Variants in LMBRD1 observed in about 807,000 individuals in gnomAD.
LMBRD1 encodes LMBR1 domain containing 1, also known as lysosomal cobalamin transport escort protein LMBD1.
LMBRD1 carries 64 observed loss-of-function variants against 74.8 expected under a neutral mutation model. That is an observed-to-expected ratio of 0.86 (90% CI 0.70 to 1.05). The LOEUF is 1.05. LMBRD1 is among the 50% of genes least tolerant of loss of function. The pLI is 0.00. For missense variants in LMBRD1, 652 were observed against 645.9 expected, an observed-to-expected ratio of 1.01 and a Z score of -0.10; for synonymous variants, 204 against 216.3, an observed-to-expected ratio of 0.94 and a Z score of 0.50.
intron 7 of LMBRD1, among the ~76,000 whole-genome samples, chr6:69,730,121 A>G (rs1005481731): frequency 2.6e-5 from 4 of 152,096 alleles, no homozygotes; most frequent in Non-Finnish European, 5.9e-5. Flanking sequence ...TTGTCTCCAA[A>G]TTTATTTTGA....
intron 14 of LMBRD1, among the ~76,000 whole-genome samples, chr6:69,679,332 C>T (rs750810255): frequency 1.5e-4 from 23 of 152,228 alleles, no homozygotes; most frequent in Non-Finnish European, 2.9e-4. Context: ...GGAGTTCAGA[C>T]TCACAGCAGA....
intron 2 of LMBRD1, among the ~76,000 whole-genome samples, chr6:69,786,975 T>C (rs532414044): frequency 6.6e-6 from 1 of 152,302 alleles, no homozygotes; most frequent in East Asian, 1.9e-4. Context: ...CATTTAGGAA[T>C]TTCAAATGCA....
At chr6:69,705,292 G>C (rs1766227785) in intron 9 of LMBRD1, 2 of 741,022 alleles carry the variant, frequency 2.7e-6, no homozygotes, top group African/African-American at 3.4e-5. Context: ...TTTTCTTAAA[G>C]AGACTTCCTC....
chr6:69,774,992 AGGGAGGGAGGGAGGG>A (rs1473247686), intron 3 of LMBRD1, among the ~76,000 whole-genome samples: 507 of 31,196 alleles, frequency 0.016, 40 homozygotes, highest in African/African-American at 0.043. Flanking sequence ...GAAGGAAGGG[AGGGAGGGAGGGAGGG>A]AGGGAGGGAG....
intron 14 of LMBRD1, among the ~76,000 whole-genome samples, chr6:69,692,524 C>T (rs1006869315): frequency 3.3e-5 from 5 of 152,136 alleles, no homozygotes; most frequent in Admixed American, 2.6e-4. Context: ...TGCTTCACCC[C>T]TAACTGTAGT....
intron 7 of LMBRD1, among the ~76,000 whole-genome samples, chr6:69,729,427 A>G (rs1024661068): frequency 3.3e-5 from 5 of 151,944 alleles, no homozygotes; most frequent in African/African-American, 1.2e-4. Flanking sequence ...GGCCAGACTA[A>G]TAACAACTAC....
intron 9 of LMBRD1, among the ~76,000 whole-genome samples, chr6:69,703,263 G>C (rs1233075660): frequency 6.6e-6 from 1 of 151,796 alleles, no homozygotes; most frequent in Non-Finnish European, 1.5e-5. Flanking sequence ...TCTATATTTG[G>C]TACTGTGGTG....
At chr6:69,741,984 T>C in intron 5 of LMBRD1, 107 bp from the exon 6 acceptor site, 1 of 711,440 alleles carries the variant, frequency 1.4e-6, no homozygotes, top group Non-Finnish European at 2.4e-6. Context: ...AAATAAAATC[T>C]GTACTATGCA....
chr6:69,705,799 T>C, intron 9 of LMBRD1: 3 of 1,183,662 alleles, frequency 2.5e-6, no homozygotes, highest in Non-Finnish European at 3.7e-6. Context: ...GACTGCATCT[T>C]CCTCCACTGC....
chr6:69,691,757 T>A (rs181508832), intron 14 of LMBRD1, among the ~76,000 whole-genome samples: 1 of 151,478 alleles, frequency 6.6e-6, no homozygotes, highest in African/African-American at 2.4e-5. Context: ...GTGCCTGTAG[T>A]CCCAGCTACT....
chr6:69,777,297 C>A (rs1265105753), intron 3 of LMBRD1, among the ~76,000 whole-genome samples: 3 of 151,786 alleles, frequency 2.0e-5, no homozygotes, highest in Non-Finnish European at 2.9e-5. Context: ...ACTAAAAATA[C>A]AAAAAATTAT....
intron 14 of LMBRD1, among the ~76,000 whole-genome samples, chr6:69,692,009 A>G (rs111448513): frequency 6.6e-6 from 1 of 152,078 alleles, no homozygotes; most frequent in African/African-American, 2.4e-5. Context: ...TTAATGTAAG[A>G]TATCAATACA....
chr6:69,694,895 T>G (rs1271902635), intron 14 of LMBRD1, among the ~76,000 whole-genome samples: 1 of 152,178 alleles, frequency 6.6e-6, no homozygotes, highest in Admixed American at 6.5e-5. Context: ...TCATAGGCTA[T>G]CAAAAGCTTT....
intron 3 of LMBRD1, among the ~76,000 whole-genome samples, chr6:69,772,517 G>A (rs1349746550): frequency 6.6e-6 from 1 of 152,080 alleles, no homozygotes; most frequent in Non-Finnish European, 1.5e-5. Flanking sequence ...TGCTTTCTTA[G>A]TATTTCCAAC....
At chr6:69,688,102 T>C (rs1765801079) in intron 14 of LMBRD1, among the ~76,000 whole-genome samples, 1 of 152,084 alleles carries the variant, frequency 6.6e-6, no homozygotes, top group African/African-American at 2.4e-5. Flanking sequence ...CAGAAGGTAT[T>C]AACGAAGATA....
rs138094339 is a variant in LMBRD1 at position 69,702,544 on chromosome 6, T to C, written c.916-591A>G. 4.8e-3 allele frequency among the ~76,000 whole-genome samples: 726 copies of C among 152,130 alleles called. 8 individuals are homozygous for C. Among genetic ancestry groups the C allele is most frequent in the Middle Eastern group, 0.017 (5 of 294 alleles). ...AAAATGTCCTAAGCACTGTAAGTAGTGGAACATATTTCTCCCAATTGTATG... is the reference window on the plus strand; with the variant it reads ...AAAATGTCCTAAGCACTGTAAGTAGCGGAACATATTTCTCCCAATTGTATG... On this transcript the variant is annotated intron_variant, in intron 9 of 15. Coordinates refer to ENST00000649934, the MANE Select transcript of LMBRD1 (RefSeq NM_018368.4).
In LMBRD1 at chr6:69,784,548, C is replaced by T. The variant is rs575441612; in HGVS notation, c.247-3994G>A. Among the ~76,000 whole-genome samples, 106 of 152,218 alleles carry T rather than the reference C, an allele frequency of 7.0e-4. 1 individual carries two copies. The highest frequency in any genetic ancestry group is 2.2e-3 in the African/African-American group (93 of 41,520). ...AATCTAGGAGGTAAGAGGTCAAGGA[C>T]GCCACTAAACACCTACAATTCACAG... On this transcript the variant is annotated intron_variant, in intron 2 of 15. Transcript: ENST00000649934.
intron 14 of LMBRD1, among the ~76,000 whole-genome samples, chr6:69,694,441 C>T (rs1765952560): frequency 6.6e-6 from 1 of 152,134 alleles, no homozygotes; most frequent in African/African-American, 2.4e-5. Context: ...TGTACGTATA[C>T]ATTTCAAAGT....
chr6:69,722,362 T>C (rs1766634506), intron 7 of LMBRD1, among the ~76,000 whole-genome samples: 1 of 151,672 alleles, frequency 6.6e-6, no homozygotes, highest in African/African-American at 2.4e-5. Context: ...CAAAATTCAC[T>C]GGAACAGTAA....
Sources: gnomAD v4.1 joint callset for allele counts (sites outside exome capture counted in the v4.1 genomes callset) on GRCh38, gnomAD v4.1.1 for gene constraint, MANE v1.5 for transcripts, NCBI Gene and HGNC (gene_info 2026-07-23, HGNC 2026-07-21) for gene names.